The following RAB22A variants were observed in gnomAD, a reference collection of about 807,000 sequenced individuals.
RAB22A encodes the protein ras-related protein Rab-22A.
A neutral mutation model predicts 30.2 loss-of-function variants in RAB22A; 13 were observed. The ratio of observed to expected loss-of-function variants is 0.43; its 90% CI spans 0.28 to 0.68. The LOEUF (loss-of-function observed/expected upper bound fraction) is 0.68. Among genes scored for constraint, RAB22A ranks in the 30% least tolerant of loss-of-function variants. RAB22A has a pLI of 0.18. For missense variants in RAB22A, 177 were observed against 246.8 expected (o/e 0.72, Z 1.89); for synonymous variants, 89 against 87.2 (o/e 1.02, Z -0.11).
At position 58,343,650 on chromosome 20, in the gene RAB22A, G is replaced by A. The variant is rs1469123957; in HGVS notation, c.117-68G>A. 3.9e-6 allele frequency: 5 copies of A among 1,275,754 alleles called. No homozygotes were observed. In the East Asian group the frequency reaches 1.2e-4, roughly 30 times the overall value. The allele number at this position is 1,275,754 out of a possible 1,614,324, so 79.0% of individuals were successfully genotyped here. Reference sequence around the variant, plus strand: ...TGAGCGTTGGTTGAGTCTAAGTGATGTTTCCGACTGGGGCTGGAAACGTGC... The same window carrying A: ...TGAGCGTTGGTTGAGTCTAAGTGATATTTCCGACTGGGGCTGGAAACGTGC... On this transcript the variant is annotated intron_variant, in intron 2 of 6. Transcript: ENST00000244040.
intron 2 of RAB22A, among the ~76,000 whole-genome samples, chr20:58,339,523 G>A (rs1986819764): frequency 6.6e-6 from 1 of 152,204 alleles, no homozygotes; most frequent in South Asian, 2.1e-4. Flanking sequence ...TAGTCCCACT[G>A]GAAGATTAGG....
At chr20:58,349,675 C>A (rs1987011862) in intron 3 of RAB22A, among the ~76,000 whole-genome samples, 1 of 152,112 alleles carries the variant, frequency 6.6e-6, no homozygotes, top group African/African-American at 2.4e-5. Flanking sequence ...TTCAGAAGAG[C>A]CATGCCTTGG....
intron 2 of RAB22A, among the ~76,000 whole-genome samples, chr20:58,321,795 A>G (rs1224383272): frequency 6.6e-6 from 1 of 152,176 alleles, no homozygotes; most frequent in African/African-American, 2.4e-5. Context: ...TCTTAAATGT[A>G]TCTGTGTTAT....
intron 2 of RAB22A, among the ~76,000 whole-genome samples, chr20:58,324,890 T>C (rs1390452104): frequency 1.7e-5 from 2 of 120,906 alleles, no homozygotes; most frequent in African/African-American, 6.3e-5. Context: ...AAAAAAAAAC[T>C]GTACGCCAGG....
rs1267449274 is a variant in RAB22A at position 58,362,654 on chromosome 20, G to T, written c.*2951G>T. ...ATGATAACTAATTAACCATCATCTG[G>T]TGATTAAAAGAACATAAAGTAAGAT... is the stretch of plus-strand genomic sequence containing the variant. On this transcript the variant is annotated 3_prime_UTR_variant, in exon 7 of 7. Transcript: ENST00000244040. 1 of 152,194 alleles carries T rather than the reference G, an allele frequency of 6.6e-6. No homozygotes were observed. The highest frequency in any genetic ancestry group is 2.4e-5 in the African/African-American group (1 of 41,446). 9.4% of individuals were successfully genotyped at this position (152,194 alleles called of 1,614,324 possible).
Position 58,362,276 on chromosome 20 carries a change from A to G in RAB22A, c.*2573A>G, listed in dbSNP as rs922656579. On this transcript the variant is annotated 3_prime_UTR_variant, in exon 7 of 7. Transcript: ENST00000244040. ...TTTTATTTGCTTCTAAAATGCAAAG[A>G]TGAATACTAAAGTCAGAAGCAGTGT... 2.6e-5 allele frequency: 4 copies of G among 152,276 alleles called. No individual in the cohort carries two copies. Among genetic ancestry groups the G allele is most frequent in the African/African-American group, 9.6e-5 (4 of 41,478 alleles). The allele number at this position is 152,276 out of a possible 1,614,324, so 9.4% of individuals were successfully genotyped here. A position where few individuals can be genotyped will look rare whatever the true frequency, so the allele number is the denominator to read the frequency against.
Position 58,321,503 on chromosome 20 carries a change from C to G in RAB22A, c.116+10381C>G, listed in dbSNP as rs143285474. 1.6e-4 allele frequency among the ~76,000 whole-genome samples: 25 copies of G among 152,278 alleles called. No homozygotes were observed. In the East Asian group the frequency reaches 4.6e-3, roughly 28 times the overall value. On this transcript the variant is annotated intron_variant, in intron 2 of 6. Transcript: ENST00000244040. ...GTGCACTAGTAAAGAATGTGCATTC[C>G]GCTACTGATGTGTGGAGTATTCTGT...
At position 58,320,518 on chromosome 20, in the gene RAB22A, T is replaced by A. The variant is rs142112078; in HGVS notation, c.116+9396T>A. Among the ~76,000 whole-genome samples, 630 of 152,316 alleles carry A rather than the reference T, an allele frequency of 4.1e-3. 3 individuals are homozygous for A. Among genetic ancestry groups the A allele is most frequent in the African/African-American group, 0.015 (615 of 41,578 alleles). On this transcript the variant is annotated intron_variant, in intron 2 of 6. Transcript: ENST00000244040. The stretch of plus-strand genomic sequence containing the variant: ...AACTGTCCAGCTATAAGTTTATCAA[T>A]TTTATTCGTCTTCTCAAAGAACCAG...
chr20:58,340,849 A>G (rs557137770), intron 2 of RAB22A, among the ~76,000 whole-genome samples: 1 of 152,264 alleles, frequency 6.6e-6, no homozygotes, highest in African/African-American at 2.4e-5. Context: ...CTGAGACCCA[A>G]ACGATGGGGA....
At chr20:58,348,548 GAGTAGAAGCAAACCCGAA>G (rs1986989523) in intron 3 of RAB22A, among the ~76,000 whole-genome samples, 1 of 152,164 alleles carries the variant, frequency 6.6e-6, no homozygotes, top group African/African-American at 2.4e-5. Flanking sequence ...CTGACTCCAT[GAGTAGAAGCAAACCCGAA>G]AGTGATCCCA....
At chr20:58,323,497 T>TC (rs751481084) in intron 2 of RAB22A, among the ~76,000 whole-genome samples, 12 of 152,142 alleles carry the variant, frequency 7.9e-5, no homozygotes, top group Non-Finnish European at 1.6e-4. Context: ...AGTTCAATGT[T>TC]CAATAGAAAT....
rs1473194999 is a variant in RAB22A at position 58,363,247 on chromosome 20, G to A, written c.*3544G>A. The A allele has an allele frequency of 1.3e-5, 2 of 152,202 alleles. No individual in the cohort carries two copies. The highest frequency in any genetic ancestry group is 4.8e-5 in the African/African-American group (2 of 41,456). The allele number at this position is 152,202 out of a possible 1,614,324, so 9.4% of individuals were successfully genotyped here. A position where few individuals can be genotyped will look rare whatever the true frequency, so the allele number is the denominator to read the frequency against. Reference sequence around the variant, plus strand: ...TACAGGCATCTTTTAGATTCTAAGAGTGAGTTACAGAATTCTTTTTGGTAC... The same window carrying A: ...TACAGGCATCTTTTAGATTCTAAGAATGAGTTACAGAATTCTTTTTGGTAC... On this transcript the variant is annotated 3_prime_UTR_variant, in exon 7 of 7. Transcript: ENST00000244040.
At chr20:58,321,578 TACTA>T (rs1422210650) in intron 2 of RAB22A, among the ~76,000 whole-genome samples, 2 of 152,204 alleles carry the variant, frequency 1.3e-5, no homozygotes, top group Non-Finnish European at 2.9e-5. Context: ...CCAGTGTTTT[TACTA>T]ACTTTTTTCT....
At position 58,362,030 on chromosome 20, in the gene RAB22A, T is replaced by C. The variant is rs1600746655; in HGVS notation, c.*2327T>C. The C allele has an allele frequency of 6.6e-6, 1 of 152,298 alleles. No individual in the cohort carries two copies. The highest frequency in any genetic ancestry group is 2.1e-4 in the South Asian group (1 of 4,816). The allele number at this position is 152,298 out of a possible 1,614,324, so 9.4% of individuals were successfully genotyped here. On this transcript the variant is annotated 3_prime_UTR_variant, in exon 7 of 7. Coordinates refer to ENST00000244040, the MANE Select transcript of RAB22A (RefSeq NM_020673.3). Reference sequence around the variant, plus strand: ...CCATATGTAGGGTGTGATTCTGTTTTATTATAGCCACATGTTTTATTAACA... The same window carrying C: ...CCATATGTAGGGTGTGATTCTGTTTCATTATAGCCACATGTTTTATTAACA...
Position 58,361,966 on chromosome 20 carries a change from T to G in RAB22A, c.*2263T>G, listed in dbSNP as rs963125603. ...CCGAGCCCAATGTGGGTCCATCTCA[T>G]CAGCCCTTTGCTGATTTCATGATTT... On this transcript the variant is annotated 3_prime_UTR_variant, in exon 7 of 7. Coordinates refer to ENST00000244040, the MANE Select transcript of RAB22A (RefSeq NM_020673.3). The G allele has an allele frequency of 3.3e-5, 5 of 152,152 alleles. No individual in the cohort carries two copies. Among genetic ancestry groups the G allele is most frequent in the Non-Finnish European group, 7.4e-5 (5 of 68,022 alleles). The allele number at this position is 152,152 out of a possible 1,614,324, so 9.4% of individuals were successfully genotyped here.
chr20:58,334,055 G>C (rs953434766), intron 2 of RAB22A, among the ~76,000 whole-genome samples: 1 of 151,992 alleles, frequency 6.6e-6, no homozygotes, highest in Admixed American at 6.6e-5. Flanking sequence ...TTTTGGCCAG[G>C]CTCAGTGGCT....
At chr20:58,356,180 G>A (rs1173861406) in intron 6 of RAB22A, among the ~76,000 whole-genome samples, 2 of 151,944 alleles carry the variant, frequency 1.3e-5, no homozygotes, top group Non-Finnish European at 2.9e-5. Context: ...GCGTGGTGGT[G>A]CATGCCTGTA....
intron 3 of RAB22A, among the ~76,000 whole-genome samples, chr20:58,347,681 A>G (rs1986975176): frequency 1.3e-5 from 2 of 152,170 alleles, no homozygotes; most frequent in Admixed American, 1.3e-4. Context: ...ATAAAATTAA[A>G]CTTGATTTTA....
At position 58,324,895 on chromosome 20, in the gene RAB22A, G is replaced by A. The variant is rs1352033682; in HGVS notation, c.116+13773G>A. 7.7e-4 allele frequency among the ~76,000 whole-genome samples: 104 copies of A among 134,514 alleles called. 1 individual carries two copies. Among genetic ancestry groups the A allele is most frequent in the South Asian group, 1.7e-3 (7 of 4,178 alleles). 88.2% of individuals were successfully genotyped at this position (134,514 alleles called of 152,430 possible). On this transcript the variant is annotated intron_variant, in intron 2 of 6. Transcript: ENST00000244040. Reference sequence around the variant, plus strand: ...AAAAAAAAAAAAAAAAAAACTGTACGCCAGGCCCGGTGGCTCACACCTGTA... The same window carrying A: ...AAAAAAAAAAAAAAAAAAACTGTACACCAGGCCCGGTGGCTCACACCTGTA...
Sources: gnomAD v4.1 joint callset for allele counts (sites outside exome capture counted in the v4.1 genomes callset) on GRCh38, gnomAD v4.1.1 for gene constraint, MANE v1.5 for transcripts, NCBI Gene and HGNC (gene_info 2026-07-23, HGNC 2026-07-21) for gene names.